Variants in CRELD1 observed in about 807,000 individuals in gnomAD.
The protein encoded by CRELD1 is protein disulfide isomerase CRELD1.
Under a neutral mutation model 58.2 loss-of-function variants are expected in CRELD1, and 42 were observed. The observed-to-expected ratio is 0.72, with a 90% CI of 0.56 to 0.93. The LOEUF (loss-of-function observed/expected upper bound fraction) is 0.93. Ranked by LOEUF, CRELD1 falls within the 40% of genes least tolerant of loss-of-function variation. The pLI is 0.00. For synonymous variants in CRELD1, 222 were observed against 202.0 expected, an observed-to-expected ratio of 1.10 and a Z score of -0.84; for missense variants, 500 against 540.6, an observed-to-expected ratio of 0.92 and a Z score of 0.74.
chr3:9,943,357 C>T, intron 9 of CRELD1, 24 bp from the exon 10 acceptor site: 2 of 1,613,794 alleles, frequency 1.2e-6, no homozygotes, highest in South Asian at 1.1e-5. Context: ...CCTAGCAGGA[C>T]TCTGACCCCT....
intron 3 of CRELD1, 93 bp downstream of exon 3, chr3:9,935,010 A>T: frequency 3.7e-6 from 4 of 1,071,594 alleles, no homozygotes; most frequent in Non-Finnish European, 5.5e-6. Flanking sequence ...GGGAGCACTT[A>T]TTCATTCAAC....
intron 3 of CRELD1, 89 bp from the exon 4 acceptor site, chr3:9,937,473 C>T: frequency 1.2e-6 from 1 of 868,448 alleles, no homozygotes; most frequent in Non-Finnish European, 1.9e-6. Flanking sequence ...TTGATATTTT[C>T]ACCGCACGAG....
intron 3 of CRELD1, among the ~76,000 whole-genome samples, chr3:9,937,176 G>A (rs978965683): frequency 2.6e-5 from 4 of 152,128 alleles, no homozygotes; most frequent in African/African-American, 9.7e-5. Context: ...CTGCAGTGTG[G>A]GAGGATTCTA....
In CRELD1 at chr3:9,934,491, G is replaced by C. The variant is rs758365113; in HGVS notation, c.53G>C (p.Ser18Thr). 1.2e-6 allele frequency: 2 copies of C among 1,613,740 alleles called. No homozygotes were observed. The highest frequency in any genetic ancestry group is 1.7e-6 in the Non-Finnish European group (2 of 1,179,788). Residue 18 changes from serine to threonine, a missense_variant, in exon 2 of 11, where the codon AGC (serine) becomes ACC (threonine). By Grantham distance (58) the Ser-to-Thr change is moderately conservative. Coordinates refer to ENST00000452070, the MANE Select transcript of CRELD1 (RefSeq NM_001077415.3). Reference protein sequence around the residue: ...GLVPAMLWGLSLFLNLPGPIW... With the variant: ...GLVPAMLWGLTLFLNLPGPIW... Reference sequence around the variant, plus strand: ...GTCCCAGCTATGCTCTGGGGCCTCAGCCTCTTCCTCAACCTCCCAGGACCT... The same window carrying C: ...GTCCCAGCTATGCTCTGGGGCCTCACCCTCTTCCTCAACCTCCCAGGACCT...
rs1403824321 is a variant in CRELD1, at chr3:9,934,504, C to G, written c.66C>G (p.Asn22Lys). Residue 22 changes from asparagine to lysine, a missense_variant, in exon 2 of 11, where the codon AAC (asparagine) becomes AAG (lysine). Coordinates refer to ENST00000452070, the MANE Select transcript of CRELD1 (RefSeq NM_001077415.3). ...TCTGGGGCCTCAGCCTCTTCCTCAA[C>G]CTCCCAGGACCTATCTGGCTCCAGC... ...AMLWGLSLFL[N>K]LPGPIWLQPS... 3.7e-6 allele frequency: 6 copies of G among 1,613,592 alleles called. No individual in the cohort carries two copies. The highest frequency in any genetic ancestry group is 5.1e-6 in the Non-Finnish European group (6 of 1,179,572).
chr3:9,940,039 C>G (rs570398496), intron 5 of CRELD1, among the ~76,000 whole-genome samples: 1 of 151,934 alleles, frequency 6.6e-6, no homozygotes, highest in Non-Finnish European at 1.5e-5. Flanking sequence ...GGGCGGCTGC[C>G]GGGCGGAGGG....
chr3:9,940,746 G>A (rs1575645775), intron 5 of CRELD1, 104 bp from the exon 6 acceptor site: 4 of 743,598 alleles, frequency 5.4e-6, no homozygotes, highest in South Asian at 4.6e-5. Flanking sequence ...GGGGAGGGGG[G>A]GAGGGAGGGA....
At chr3:9,938,222 G>A in intron 5 of CRELD1, 116 bp downstream of exon 5, 2 of 809,834 alleles carry the variant, frequency 2.5e-6, no homozygotes, top group African/African-American at 1.7e-5. Flanking sequence ...AACTTCTCTG[G>A]ACCTCAGTTC....
At position 9,944,523 on chromosome 3, in the gene CRELD1, T is replaced by C; in HGVS notation, c.1207T>C (p.Tyr403His). ...FIGAVAAMTG[Y>H]WLSERSDRVL... ...TGGGGCTGTGGCGGCCATGACTGGC[T>C]ACTGGTTGTCAGAGCGCAGTGACCG... Residue 403 changes from tyrosine (Y) to histidine (H), a missense_variant, in exon 11 of 11, where the codon TAC becomes CAC. By Grantham distance (83) the Tyr-to-His change is moderately conservative (BLOSUM62 2). Transcript: ENST00000452070. The C allele has an allele frequency of 6.2e-7, 1 of 1,612,294 alleles. No individual in the cohort carries two copies. The highest frequency in any genetic ancestry group is 8.5e-7 in the Non-Finnish European group (1 of 1,180,012).
Position 9,940,935 on chromosome 3 carries a change from C to T in CRELD1, c.546C>T (p.Asp182=). ...CACGAGGGGGCAGCGGGCACTGTGACTGCCAAGCCGGCTACGGGGGTGAGG... is the reference window on the plus strand; with the variant it reads ...CACGAGGGGGCAGCGGGCACTGTGATTGCCAAGCCGGCTACGGGGGTGAGG... ...EGTRGGSGHC[D]CQAGYGGEAC... is the part of the protein sequence containing the mutation. The change falls in exon 6 of 11, where the codon GAC becomes GAT. Residue 182 remains aspartate, a synonymous_variant. Transcript: ENST00000452070. The T allele has an allele frequency of 6.2e-7, 1 of 1,614,148 alleles. No individual in the cohort carries two copies. The highest frequency in any genetic ancestry group is 8.5e-7 in the Non-Finnish European group (1 of 1,180,020).
intron 3 of CRELD1, 31 bp downstream of exon 3, chr3:9,934,948 T>A: frequency 6.5e-7 from 1 of 1,549,310 alleles, no homozygotes; most frequent in Non-Finnish European, 8.8e-7. Context: ...GGGGTGTATA[T>A]TCCCCTCCCC....
At chr3:9,935,537 G>A (rs946577882) in intron 3 of CRELD1, among the ~76,000 whole-genome samples, 1 of 152,170 alleles carries the variant, frequency 6.6e-6, no homozygotes, top group African/African-American at 2.4e-5. Flanking sequence ...AGACCAGTTT[G>A]GGAGGCAAGT....
chr3:9,937,784 G>T, intron 4 of CRELD1, 112 bp downstream of exon 4: 1 of 844,118 alleles, frequency 1.2e-6, no homozygotes, highest in Non-Finnish European at 2.0e-6. Context: ...TCCTGGTTGT[G>T]CTCCTTCCAA....
intron 5 of CRELD1, chr3:9,938,376 A>G (rs1327000194): frequency 2.2e-6 from 1 of 452,622 alleles, no homozygotes; most frequent in Non-Finnish European, 4.1e-6. Context: ...TTCATTTCCC[A>G]TGCCAGATCG....
chr3:9,936,277 T>C (rs2085189799), intron 3 of CRELD1: 1 of 152,170 alleles, frequency 6.6e-6, no homozygotes, highest in Non-Finnish European at 1.5e-5. Flanking sequence ...ATTTTCTCTT[T>C]TCCTTCGCCG....
At chr3:9,934,773 A>C (rs1007021207) in intron 2 of CRELD1, 62 bp from the exon 3 acceptor site, 1 of 1,541,012 alleles carries the variant, frequency 6.5e-7, no homozygotes, top group African/African-American at 1.4e-5. Context: ...AGTCAGTAGA[A>C]CAGTGAAGTG....
chr3:9,940,278 G>A (rs998620580), intron 5 of CRELD1, among the ~76,000 whole-genome samples: 8 of 152,316 alleles, frequency 5.3e-5, no homozygotes, highest in African/African-American at 1.9e-4. Flanking sequence ...TGGCCGGGCA[G>A]AGGCTGCAAT....
intron 5 of CRELD1, 92 bp downstream of exon 5, chr3:9,938,198 A>C: frequency 6.1e-6 from 6 of 991,488 alleles, no homozygotes; most frequent in Non-Finnish European, 9.4e-6. Context: ...GTGTGAACTC[A>C]GGCTACTCAG....
At chr3:9,940,033 G>A (rs552123832) in intron 5 of CRELD1, among the ~76,000 whole-genome samples, 22 of 152,078 alleles carry the variant, frequency 1.4e-4, no homozygotes, top group South Asian at 8.3e-4. Flanking sequence ...CAGACGGGGC[G>A]GCTGCCGGGC....
Sources: allele counts gnomAD v4.1 joint callset (sites outside exome capture counted in the v4.1 genomes callset), GRCh38; gene constraint gnomAD v4.1.1; transcripts MANE v1.5; gene names NCBI Gene and HGNC (gene_info 2026-07-23, HGNC 2026-07-21).